NAALADL2: variants seen among roughly 807,000 people sequenced by gnomAD.
NAALADL2 encodes inactive N-acetylated-alpha-linked acidic dipeptidase-like protein 2.
In NAALADL2, 76 loss-of-function variants were observed where a neutral mutation model predicts 87.2. That is an observed-to-expected ratio of 0.87 (90% CI 0.72 to 1.05). The LOEUF (loss-of-function observed/expected upper bound fraction) is 1.05. NAALADL2 is among the 50% of genes least tolerant of loss of function. The pLI is 0.00. For synonymous variants in NAALADL2, 354 were observed against 331.0 expected, an observed-to-expected ratio of 1.07 and a Z score of -0.75; for missense variants, 1,089 against 945.8, an observed-to-expected ratio of 1.15 and a Z score of -1.99.
At chr3:174,671,577 A>C (rs1331058842) in intron 2 of NAALADL2, among the ~76,000 whole-genome samples, 1 of 152,070 alleles carries the variant, frequency 6.6e-6, no homozygotes, top group East Asian at 1.9e-4. Context: ...ATTAGGCACA[A>C]TGATGTGATG....
In NAALADL2 at chr3:174,937,444, C is replaced by T. The variant is rs539579034; in HGVS notation, c.43+77994C>T. ...TCAGGCTAAGATTTAATCTCAATTT[C>T]TTTCACTTCCGTCCTCTTAGACTGT... On this transcript the variant is annotated intron_variant, in intron 1 of 13. Coordinates refer to ENST00000454872, the MANE Select transcript of NAALADL2 (RefSeq NM_207015.3). Among the ~76,000 whole-genome samples the T allele has an allele frequency of 1.6e-4, 24 of 152,170 alleles. No homozygotes were observed. The East Asian group carries it at 2.1e-3, about 13-fold the overall frequency.
intron 5 of NAALADL2, among the ~76,000 whole-genome samples, chr3:175,368,800 A>G (rs922561102): frequency 3.9e-5 from 6 of 152,246 alleles, no homozygotes; most frequent in Admixed American, 1.3e-4. Flanking sequence ...CCTGCATAGC[A>G]TGTTATTGTA....
chr3:174,906,118 A>C (rs1732923651), intron 1 of NAALADL2, among the ~76,000 whole-genome samples: 1 of 152,088 alleles, frequency 6.6e-6, no homozygotes, highest in African/African-American at 2.4e-5. Context: ...ACTGTTCAGG[A>C]CATTGTACAT....
At chr3:174,485,178 A>G (rs950844909) in intron 1 of NAALADL2, among the ~76,000 whole-genome samples, 1 of 152,026 alleles carries the variant, frequency 6.6e-6, no homozygotes, top group Non-Finnish European at 1.5e-5. Context: ...ATAAACCTAA[A>G]AATGAAGTAT....
At chr3:175,653,390 A>G (rs140879882) in intron 11 of NAALADL2, among the ~76,000 whole-genome samples, 3 of 152,338 alleles carry the variant, frequency 2.0e-5, no homozygotes, top group Admixed American at 6.5e-5. Context: ...CCCTACTGCT[A>G]GATTTTCTAA....
At chr3:175,110,189 A>G (rs1393659394) in intron 2 of NAALADL2, among the ~76,000 whole-genome samples, 1 of 151,822 alleles carries the variant, frequency 6.6e-6, no homozygotes, top group Non-Finnish European at 1.5e-5. Flanking sequence ...GTCCTATTCT[A>G]AAAGAAGCAA....
At chr3:174,526,957 T>C (rs1720820799) in intron 1 of NAALADL2, among the ~76,000 whole-genome samples, 1 of 152,150 alleles carries the variant, frequency 6.6e-6, no homozygotes, top group Non-Finnish European at 1.5e-5. Flanking sequence ...ATTACAGGCA[T>C]GAGCCACCGT....
At chr3:175,065,464 A>G (rs1714371869) in intron 1 of NAALADL2, among the ~76,000 whole-genome samples, 1 of 152,194 alleles carries the variant, frequency 6.6e-6, no homozygotes, top group African/African-American at 2.4e-5. Flanking sequence ...GATAGCTATG[A>G]CCAGATTTAA....
chr3:175,205,758 C>CA (rs1030187669), intron 2 of NAALADL2, among the ~76,000 whole-genome samples: 3 of 151,178 alleles, frequency 2.0e-5, no homozygotes, highest in South Asian at 2.1e-4. Context: ...AAGAAAACAA[C>CA]AAAAAATCCC....
intron 5 of NAALADL2, among the ~76,000 whole-genome samples, chr3:175,380,846 A>G (rs756356918): frequency 5.3e-5 from 8 of 152,104 alleles, no homozygotes; most frequent in Admixed American, 4.6e-4. Context: ...TGAAAACTGA[A>G]TATGATGAAA....
At chr3:175,006,077 G>A (rs1331849025) in intron 1 of NAALADL2, among the ~76,000 whole-genome samples, 2 of 152,146 alleles carry the variant, frequency 1.3e-5, no homozygotes, top group African/African-American at 4.8e-5. Context: ...CCAGGTTCCT[G>A]ATCATTATCA....
intron 5 of NAALADL2, among the ~76,000 whole-genome samples, chr3:175,334,683 T>A (rs1473355800): frequency 6.6e-6 from 1 of 152,198 alleles, no homozygotes; most frequent in African/African-American, 2.4e-5. Context: ...CCACATCAGT[T>A]CTTAGAGACT....
At chr3:175,006,658 AT>A (rs1749067626) in intron 1 of NAALADL2, among the ~76,000 whole-genome samples, 1 of 151,356 alleles carries the variant, frequency 6.6e-6, no homozygotes, top group African/African-American at 2.4e-5. Context: ...GAAAAAAAAA[AT>A]TGTTTTTCTG....
chr3:175,686,515 G>A (rs2149899273), intron 11 of NAALADL2, among the ~76,000 whole-genome samples: 1 of 151,868 alleles, frequency 6.6e-6, no homozygotes, highest in Non-Finnish European at 1.5e-5. Flanking sequence ...AATATTAGTG[G>A]ATATTTACAT....
chr3:175,468,169 T>G (rs1380514800), intron 8 of NAALADL2, among the ~76,000 whole-genome samples: 1 of 152,160 alleles, frequency 6.6e-6, no homozygotes, highest in East Asian at 1.9e-4. Flanking sequence ...AGCAAGTATC[T>G]TTTTTAATTT....
At chr3:175,607,012 A>G (rs1449071133) in intron 10 of NAALADL2, among the ~76,000 whole-genome samples, 2 of 152,206 alleles carry the variant, frequency 1.3e-5, no homozygotes, top group Non-Finnish European at 2.9e-5. Flanking sequence ...AAGACCACAA[A>G]AGCTATTGAA....
At chr3:174,846,977 G>A (rs1422147914) in intron 3 of NAALADL2, among the ~76,000 whole-genome samples, 1 of 152,134 alleles carries the variant, frequency 6.6e-6, no homozygotes, top group Non-Finnish European at 1.5e-5. Context: ...AAGTTTAGGC[G>A]ATAGAGTTCA....
chr3:174,657,023 CTTT>C (rs961215610), intron 2 of NAALADL2, among the ~76,000 whole-genome samples: 4 of 147,454 alleles, frequency 2.7e-5, no homozygotes, highest in African/African-American at 1.0e-4. Flanking sequence ...CTCTCTCTCT[CTTT>C]TTCTTTTCCT....
At chr3:175,192,282 A>G (rs1424667358) in intron 2 of NAALADL2, among the ~76,000 whole-genome samples, 1 of 152,076 alleles carries the variant, frequency 6.6e-6, no homozygotes, top group East Asian at 1.9e-4. Context: ...TTACTATTGA[A>G]CAAAACTCCA....
Sources: allele counts gnomAD v4.1 joint callset (sites outside exome capture counted in the v4.1 genomes callset), GRCh38; gene constraint gnomAD v4.1.1; transcripts MANE v1.5; gene names NCBI Gene and HGNC (gene_info 2026-07-23, HGNC 2026-07-21).